The following BABAM2 variants were observed in gnomAD, a reference collection of about 807,000 sequenced individuals.
BABAM2 encodes BRISC and BRCA1 A complex member 2.
BABAM2 carries 31 observed loss-of-function variants against 54.7 expected under a neutral mutation model. That is an observed-to-expected ratio of 0.57 (90% CI 0.43 to 0.77). The LOEUF is 0.77. BABAM2 is among the 30% of genes least tolerant of loss of function. BABAM2 has a pLI of 0.00. For synonymous variants in BABAM2, 167 were observed against 162.9 expected, an observed-to-expected ratio of 1.03 and a Z score of -0.19; for missense variants, 364 against 455.8, an observed-to-expected ratio of 0.80 and a Z score of 1.83.
At chr2:28,109,258 G>A (rs1436270057) in intron 6 of BABAM2, among the ~76,000 whole-genome samples, 2 of 132,246 alleles carry the variant, frequency 1.5e-5, no homozygotes, top group Admixed American at 1.8e-4. Context: ...ATGTGATCTT[G>A]GCTCACCGCA....
At chr2:28,117,821 G>A (rs1668735915) in intron 6 of BABAM2, among the ~76,000 whole-genome samples, 1 of 152,156 alleles carries the variant, frequency 6.6e-6, no homozygotes, top group Admixed American at 6.6e-5. Flanking sequence ...GAAGCTTCCT[G>A]AGAGAGGAGA....
intron 6 of BABAM2, among the ~76,000 whole-genome samples, chr2:28,103,158 T>A (rs7575356): frequency 0.014 from 2,156 of 151,192 alleles, 40 homozygotes; most frequent in African/African-American, 0.05. Flanking sequence ...AAAAAAAAAA[T>A]TTACTCAGTA....
At chr2:28,084,959 AAT>A (rs1225745303) in intron 6 of BABAM2, among the ~76,000 whole-genome samples, 1 of 152,146 alleles carries the variant, frequency 6.6e-6, no homozygotes, top group Non-Finnish European at 1.5e-5. Flanking sequence ...AAGTCAACAA[AAT>A]TAACTTCTTT....
At chr2:28,050,833 G>A (rs1285946998) in intron 6 of BABAM2, among the ~76,000 whole-genome samples, 1 of 152,122 alleles carries the variant, frequency 6.6e-6, no homozygotes, top group Admixed American at 6.6e-5. Context: ...AGGGGAGGAG[G>A]AACAGATCAG....
chr2:27,906,120 C>T (rs148265843), intron 2 of BABAM2, among the ~76,000 whole-genome samples: 1 of 152,284 alleles, frequency 6.6e-6, no homozygotes, highest in East Asian at 1.9e-4. Context: ...GGCTGTTGAA[C>T]TCTGCTAGTG....
chr2:28,072,396 T>C (rs1483570742), intron 6 of BABAM2, among the ~76,000 whole-genome samples: 2 of 151,634 alleles, frequency 1.3e-5, no homozygotes, highest in Non-Finnish European at 2.9e-5. Flanking sequence ...GGATTCTTTT[T>C]TTTTTTTGAG....
intron 7 of BABAM2, among the ~76,000 whole-genome samples, chr2:28,160,637 T>G (rs1029660843): frequency 5.8e-5 from 8 of 137,810 alleles, no homozygotes; most frequent in African/African-American, 1.9e-4. Flanking sequence ...ATATTTAATG[T>G]TTTTTTTTTT....
chr2:28,317,606 A>T (rs562153035), intron 11 of BABAM2, among the ~76,000 whole-genome samples: 2 of 152,284 alleles, frequency 1.3e-5, no homozygotes, highest in South Asian at 4.1e-4. Flanking sequence ...TCTTGCCACA[A>T]CCTGTCATGA....
intron 10 of BABAM2, among the ~76,000 whole-genome samples, chr2:28,265,381 C>G (rs1684893051): frequency 6.6e-6 from 1 of 152,172 alleles, no homozygotes; most frequent in African/African-American, 2.4e-5. Context: ...GAGCTGAGAT[C>G]AGGCCATTGC....
At chr2:28,204,547 G>A (rs192862263) in intron 7 of BABAM2, among the ~76,000 whole-genome samples, 373 of 151,798 alleles carry the variant, frequency 2.5e-3, no homozygotes, top group African/African-American at 8.8e-3. Context: ...AACATACTTA[G>A]GACAAGGTCA....
chr2:28,085,535 A>C (rs1276784046), intron 6 of BABAM2, among the ~76,000 whole-genome samples: 1 of 152,214 alleles, frequency 6.6e-6, no homozygotes, highest in Non-Finnish European at 1.5e-5. Context: ...AGTTACAGAA[A>C]TATTTGAATA....
chr2:28,117,362 C>T (rs1054995073), intron 6 of BABAM2, among the ~76,000 whole-genome samples: 4 of 152,174 alleles, frequency 2.6e-5, no homozygotes, highest in African/African-American at 4.8e-5. Context: ...CATCTGTGTT[C>T]GTTTAATAAT....
chr2:28,115,182 A>AACACACACACACACACAC (rs35506654), intron 6 of BABAM2, among the ~76,000 whole-genome samples: 3 of 142,250 alleles, frequency 2.1e-5, no homozygotes, highest in Admixed American at 7.0e-5. Flanking sequence ...ATAACTTTAA[A>AACACACACACACACACAC]ACACACACAC....
intron 6 of BABAM2, among the ~76,000 whole-genome samples, chr2:28,092,764 C>CTG (rs1477448728): frequency 6.6e-6 from 1 of 151,670 alleles, no homozygotes; most frequent in Non-Finnish European, 1.5e-5. Flanking sequence ...CTCTCTCTCT[C>CTG]TCTCTCTCAC....
intron 3 of BABAM2, among the ~76,000 whole-genome samples, chr2:27,939,312 C>T (rs1011483497): frequency 1.2e-4 from 19 of 152,164 alleles, no homozygotes; most frequent in African/African-American, 4.6e-4. Flanking sequence ...CTAGAACTTA[C>T]AGTAATTTTA....
At chr2:28,309,430 C>G (rs1688864018) in intron 11 of BABAM2, 1 of 152,160 alleles carries the variant, frequency 6.6e-6, no homozygotes, top group African/African-American at 2.4e-5. Flanking sequence ...CATTCACAAT[C>G]CTGGGGATTA....
At chr2:28,238,240 G>C (rs866042190) in intron 8 of BABAM2, among the ~76,000 whole-genome samples, 1 of 152,122 alleles carries the variant, frequency 6.6e-6, no homozygotes, top group Non-Finnish European at 1.5e-5. Context: ...TGAGTCTAAC[G>C]GTTATTGTTA....
chr2:27,992,751 C>T (rs1672868707), intron 4 of BABAM2, among the ~76,000 whole-genome samples: 1 of 152,144 alleles, frequency 6.6e-6, no homozygotes, highest in Non-Finnish European at 1.5e-5. Context: ...AACTTCTTCT[C>T]TTTTGCTCTT....
intron 2 of BABAM2, among the ~76,000 whole-genome samples, chr2:27,922,824 A>T (rs1221713397): frequency 6.6e-6 from 1 of 152,222 alleles, no homozygotes; most frequent in Non-Finnish European, 1.5e-5. Context: ...TAAAATATTT[A>T]AAAATAATTT....
Sources: allele counts gnomAD v4.1 joint callset (sites outside exome capture counted in the v4.1 genomes callset), GRCh38; gene constraint gnomAD v4.1.1; transcripts MANE v1.5; gene names NCBI Gene and HGNC (gene_info 2026-07-23, HGNC 2026-07-21).